ERP27: variants seen among roughly 807,000 people sequenced by gnomAD.
ERP27 encodes the protein endoplasmic reticulum protein 27, also known as endoplasmic reticulum resident protein 27.
In ERP27, 23 loss-of-function variants were observed where a neutral mutation model predicts 27.7. That is an observed-to-expected ratio of 0.83 (90% CI 0.60 to 1.18). ERP27 has a LOEUF of 1.18. ERP27 is among the 50% of genes most tolerant of loss of function. The probability of loss-of-function intolerance (pLI) is 0.00; values close to 1 mark genes in which losing one functional copy is unlikely to be tolerated. For missense variants in ERP27, 363 were observed against 327.9 expected, an observed-to-expected ratio of 1.11 and a Z score of -0.83; for synonymous variants, 159 against 118.3, an observed-to-expected ratio of 1.34 and a Z score of -2.23.
chr12:14,915,529 A>C lies in ERP27; in HGVS notation c.734T>G (p.Val245Gly). The C allele has an allele frequency of 1.9e-6, 3 of 1,614,224 alleles. No homozygotes were observed. Among genetic ancestry groups the C allele is most frequent in the African/African-American group, 2.7e-5 (2 of 75,060 alleles). ...TAGGAATCCATCACAAAAGTTTTGC[A>C]CATGCTCTACGGAAACTTCTGCTGT... ...LPTAEVSVEH[V>G]QNFCDGFLSG... is the part of the protein sequence containing the mutation. The change falls in exon 6 of 7, where the codon GTG (valine) becomes GGG (glycine). Residue 245 changes from valine to glycine, a missense_variant. Physicochemically the swap from Val to Gly is moderately radical, Grantham distance 109 (BLOSUM62 -3). Coordinates refer to ENST00000266397, the MANE Select transcript of ERP27 (RefSeq NM_152321.4).
chr12:14,927,744 GCACACACA>G lies in ERP27; in HGVS notation c.334-6704_334-6697del, dbSNP rs3084565. ...TTTACTGGCTCTCTAATGCCTTCAG[GCACACACA>G]CACACACACACACACACACACACAC... On this transcript the variant is annotated intron_variant, in intron 3 of 6. Coordinates refer to ENST00000266397, the MANE Select transcript of ERP27 (RefSeq NM_152321.4). Among the ~76,000 whole-genome samples the G allele has an allele frequency of 4.7e-3, 701 of 148,268 alleles. 1 individual carries two copies. Among genetic ancestry groups the G allele is most frequent in the African/African-American group, 7.4e-3 (297 of 40,308 alleles).
chr12:14,930,570 T>G (rs1378241557), intron 3 of ERP27, among the ~76,000 whole-genome samples: 3 of 152,256 alleles, frequency 2.0e-5, no homozygotes, highest in Non-Finnish European at 2.9e-5. Flanking sequence ...GTTTATATGC[T>G]GTTACACTCA....
intron 2 of ERP27, chr12:14,935,228 G>A (rs563192228): frequency 2.5e-6 from 2 of 808,710 alleles, no homozygotes; most frequent in South Asian, 5.6e-5. Context: ...TGAGACTCCT[G>A]TCAGGCCTTG....
intron 3 of ERP27, among the ~76,000 whole-genome samples, chr12:14,934,425 A>G (rs1177387711): frequency 1.3e-5 from 2 of 152,216 alleles, no homozygotes; most frequent in Non-Finnish European, 2.9e-5. Flanking sequence ...TATTATCGGT[A>G]TCTTGCATAG....
intron 2 of ERP27, among the ~76,000 whole-genome samples, chr12:14,937,659 T>A (rs1473404297): frequency 2.6e-5 from 4 of 152,198 alleles, no homozygotes; most frequent in African/African-American, 7.2e-5. Context: ...TGGGGTTCCA[T>A]GAAGGCATTC....
chr12:14,933,618 G>T (rs1371593213), intron 3 of ERP27, among the ~76,000 whole-genome samples: 1 of 152,146 alleles, frequency 6.6e-6, no homozygotes, highest in Non-Finnish European at 1.5e-5. Context: ...ATTCAGTCCC[G>T]AAATACTGAA....
chr12:14,914,825 G>T, intron 6 of ERP27, 43 bp from the exon 7 acceptor site: 2 of 1,457,868 alleles, frequency 1.4e-6, no homozygotes, highest in Non-Finnish European at 1.9e-6. Context: ...AGTAAACTGA[G>T]CTGTTTACTC....
Position 14,920,950 on chromosome 12 carries a change from C to T in ERP27, c.432G>A (p.Val144=), listed in dbSNP as rs1565449680. 1 of 1,613,886 alleles carries T rather than the reference C, an allele frequency of 6.2e-7. No individual in the cohort carries two copies. The highest frequency in any genetic ancestry group is 8.5e-7 in the Non-Finnish European group (1 of 1,179,774). The change falls in exon 4 of 7, where the codon GTG becomes GTA. Residue 144 remains valine, a synonymous_variant. Coordinates refer to ENST00000266397, the MANE Select transcript of ERP27 (RefSeq NM_152321.4). ...TGTTTACCACAGGGTTGTACTCTGT[C>T]ACCATGTGGAGGCTGTTGATCTCAA... is the stretch of plus-strand genomic sequence containing the variant. ...RFIEINSLHM[V]TEYNPVTVIG...
chr12:14,929,090 G>A (rs1196546751), intron 3 of ERP27: 1 of 1,520,520 alleles, frequency 6.6e-7, no homozygotes, highest in Non-Finnish European at 8.8e-7. Flanking sequence ...GGAATTCCTA[G>A]GTCTGGTGCC....
chr12:14,928,839 C>T, intron 3 of ERP27: 1 of 1,165,882 alleles, frequency 8.6e-7, no homozygotes, highest in Admixed American at 2.0e-5. Context: ...CTACCACCTC[C>T]TTCCCCTTCC....
At chr12:14,934,712 A>C (rs775984458) in intron 3 of ERP27, 144 bp downstream of exon 3, 14 of 999,504 alleles carry the variant, frequency 1.4e-5, no homozygotes, top group Non-Finnish European at 2.0e-5. Context: ...GCTTGAATTG[A>C]GTCATCATCC....
chr12:14,926,314 TG>T (rs1462960581), intron 3 of ERP27, among the ~76,000 whole-genome samples: 2 of 152,254 alleles, frequency 1.3e-5, no homozygotes, highest in African/African-American at 4.8e-5. Context: ...AGCTTTCTTT[TG>T]GAAGTGTTTG....
chr12:14,935,129 C>T (rs1863756283), intron 2 of ERP27, 136 bp from the exon 3 acceptor site: 2 of 1,451,434 alleles, frequency 1.4e-6, no homozygotes, highest in Middle Eastern at 2.1e-4. Context: ...ATGATTTACC[C>T]CTAACAATTC....
intron 3 of ERP27, among the ~76,000 whole-genome samples, chr12:14,927,704 A>G (rs1041683175): frequency 5.2e-5 from 7 of 134,706 alleles, no homozygotes; most frequent in Non-Finnish European, 8.6e-5. Context: ...ATCTTGACCT[A>G]GATATTTTCC....
chr12:14,931,363 C>T (rs1196187849), intron 3 of ERP27, among the ~76,000 whole-genome samples: 2 of 129,462 alleles, frequency 1.5e-5, no homozygotes, highest in South Asian at 2.4e-4. Context: ...GTTCCCTTTT[C>T]AAAAAAAAAA....
At position 14,920,986 on chromosome 12, in the gene ERP27, C is replaced by T. The variant is rs974380655; in HGVS notation, c.396G>A (p.Leu132=). 19 of 1,613,958 alleles carry T rather than the reference C, an allele frequency of 1.2e-5. No homozygotes were observed. The African/African-American group carries it at 1.9e-4, about 16-fold the overall frequency. ...EDIESIDATK[L]SRFIEINSLH... ...GGCTGTTGATCTCAATGAAACGGCT[C>T]AATTTGGTGGCATCAATGCTTTCAA... Residue 132 remains leucine (L), a synonymous_variant, in exon 4 of 7, where the codon TTG becomes TTA. Coordinates refer to ENST00000266397, the MANE Select transcript of ERP27 (RefSeq NM_152321.4).
At chr12:14,932,236 T>C (rs977318072) in intron 3 of ERP27, among the ~76,000 whole-genome samples, 37 of 152,128 alleles carry the variant, frequency 2.4e-4, no homozygotes, top group Admixed American at 1.8e-3. Context: ...ATATATGATA[T>C]GAATTATAAA....
chr12:14,936,834 A>G (rs973256425), intron 2 of ERP27, among the ~76,000 whole-genome samples: 9 of 152,142 alleles, frequency 5.9e-5, no homozygotes, highest in African/African-American at 2.2e-4. Flanking sequence ...CTGTGATTCA[A>G]TTAAAACTCT....
rs79028007 is a variant in ERP27, at chr12:14,936,824, C to T, written c.195+1128G>A. Among the ~76,000 whole-genome samples, 1,239 of 152,248 alleles carry T rather than the reference C, an allele frequency of 8.1e-3. 15 individuals carry two copies. Among genetic ancestry groups the T allele is most frequent in the African/African-American group, 0.029 (1,192 of 41,518 alleles). ...CTCAGGCCTTCCAAGCTATGCTGAA[C>T]TGTGATTCAATTAAAACTCTTTCCT... On this transcript the variant is annotated intron_variant, in intron 2 of 6. Coordinates refer to ENST00000266397, the MANE Select transcript of ERP27 (RefSeq NM_152321.4).
Sources: allele counts gnomAD v4.1 joint callset (sites outside exome capture counted in the v4.1 genomes callset), GRCh38; gene constraint gnomAD v4.1.1; transcripts MANE v1.5; gene names NCBI Gene and HGNC (gene_info 2026-07-23, HGNC 2026-07-21).